Variants in ANKFN1 observed in about 807,000 individuals in gnomAD.
ANKFN1 encodes ankyrin repeat and fibronectin type-III domain-containing protein 1.
A neutral mutation model predicts 108.7 loss-of-function variants in ANKFN1; 74 were observed. The ratio of observed to expected loss-of-function variants is 0.68; its 90% CI spans 0.56 to 0.83. The LOEUF is 0.83. ANKFN1 is among the 40% of genes least tolerant of loss of function. ANKFN1 has a pLI of 0.00. For synonymous variants in ANKFN1, 547 were observed against 516.2 expected (o/e 1.06, Z -0.81); for missense variants, 1,505 against 1,382.3 (o/e 1.09, Z -1.41).
intron 3 of ANKFN1, among the ~76,000 whole-genome samples, chr17:56,314,527 C>T (rs534276295): frequency 2.8e-4 from 43 of 152,090 alleles, no homozygotes; most frequent in Admixed American, 5.9e-4. Context: ...TTTTTATGTG[C>T]TTATTGACCA....
chr17:56,443,740 T>C (rs2049193212), intron 10 of ANKFN1, among the ~76,000 whole-genome samples: 1 of 152,252 alleles, frequency 6.6e-6, no homozygotes, highest in Non-Finnish European at 1.5e-5. Flanking sequence ...ATGCCAGGTA[T>C]GTTTGGGCAT....
Position 56,507,876 on chromosome 17 carries a change from C to T in ANKFN1, c.2645-2597C>T, listed in dbSNP as rs117104910. Among the ~76,000 whole-genome samples, 121 of 152,282 alleles carry T rather than the reference C, an allele frequency of 7.9e-4. No individual in the cohort carries two copies. In the East Asian group the frequency reaches 8.3e-3, roughly 10 times the overall value. On this transcript the variant is annotated intron_variant, in intron 20 of 20. Transcript: ENST00000682825. ...TGGCCACCTTATCGAAAGCATCTTC[C>T]TCCTAAGTCACTCTTTCATTAAAAT...
intron 1 of ANKFN1, among the ~76,000 whole-genome samples, chr17:56,210,890 C>A (rs928925719): frequency 2.0e-5 from 3 of 152,204 alleles, no homozygotes; most frequent in Non-Finnish European, 4.4e-5. Flanking sequence ...ATTCAATTAC[C>A]TCCCATCGGG....
chr17:56,258,836 G>A (rs1206770020), intron 3 of ANKFN1, among the ~76,000 whole-genome samples: 19 of 152,210 alleles, frequency 1.2e-4, no homozygotes, highest in Non-Finnish European at 2.2e-4. Flanking sequence ...GCGTGAACCC[G>A]GGAGGCGGAG....
At chr17:56,251,855 G>A (rs184382067) in intron 3 of ANKFN1, among the ~76,000 whole-genome samples, 1 of 152,248 alleles carries the variant, frequency 6.6e-6, no homozygotes, top group Admixed American at 6.5e-5. Context: ...TCCTAAATTT[G>A]AAAAGCTATT....
At chr17:56,068,324 T>G (rs1598087363) in intron 4 of ANKFN1, among the ~76,000 whole-genome samples, 2 of 151,996 alleles carry the variant, frequency 1.3e-5, no homozygotes, top group South Asian at 4.2e-4. Context: ...TTAAGAGAAA[T>G]TGAGATGAGA....
At chr17:56,326,176 G>C in intron 3 of ANKFN1, 45 bp from the exon 4 acceptor site, 1 of 1,557,066 alleles carries the variant, frequency 6.4e-7, no homozygotes, top group Middle Eastern at 1.7e-4. Context: ...ATGGACTTCG[G>C]CTCTTGCCTG....
At chr17:56,350,252 T>C (rs1213128361) in intron 4 of ANKFN1, among the ~76,000 whole-genome samples, 3 of 152,104 alleles carry the variant, frequency 2.0e-5, no homozygotes, top group African/African-American at 7.2e-5. Context: ...AGATGCAAGT[T>C]AACTGCTACC....
intron 1 of ANKFN1, among the ~76,000 whole-genome samples, chr17:56,178,805 G>A (rs4794627): frequency 0.32 from 47,910 of 151,946 alleles, 9,030 homozygotes; most frequent in East Asian, 0.51. Flanking sequence ...ACATCATAAA[G>A]CATTTGAAGG....
At chr17:56,254,125 T>C (rs2043300098) in intron 3 of ANKFN1, 1 of 152,154 alleles carries the variant, frequency 6.6e-6, no homozygotes, top group Non-Finnish European at 1.5e-5. Context: ...GAACAGAACA[T>C]GCGTCAGAAA....
At chr17:56,310,991 T>C (rs11870333) in intron 3 of ANKFN1, among the ~76,000 whole-genome samples, 7 of 152,174 alleles carry the variant, frequency 4.6e-5, no homozygotes, top group African/African-American at 1.7e-4. Flanking sequence ...CTTTTTTAGA[T>C]GCTACACTAG....
chr17:56,069,814 T>C (rs1016553639), intron 4 of ANKFN1, among the ~76,000 whole-genome samples: 1 of 152,170 alleles, frequency 6.6e-6, no homozygotes, highest in Admixed American at 6.5e-5. Flanking sequence ...AACAAAAGAA[T>C]GGCTACTCCA....
intron 3 of ANKFN1, among the ~76,000 whole-genome samples, chr17:56,266,502 GT>G (rs2043656025): frequency 6.6e-6 from 1 of 152,100 alleles, no homozygotes; most frequent in African/African-American, 2.4e-5. Flanking sequence ...TTTCCACTGG[GT>G]TAACTTGTTA....
chr17:56,088,302 A>G (rs774077345), intron 4 of ANKFN1, among the ~76,000 whole-genome samples: 8 of 151,292 alleles, frequency 5.3e-5, no homozygotes, highest in Non-Finnish European at 1.0e-4. Context: ...TTTTAGAGGA[A>G]TGAGGAGGGA....
intron 1 of ANKFN1, among the ~76,000 whole-genome samples, chr17:56,176,233 G>T (rs1471371318): frequency 6.6e-6 from 1 of 152,092 alleles, no homozygotes; most frequent in East Asian, 1.9e-4. Flanking sequence ...GGGAAGAATG[G>T]CAATCGCTTG....
At chr17:56,177,558 T>C (rs1250310953) in intron 1 of ANKFN1, among the ~76,000 whole-genome samples, 1 of 152,194 alleles carries the variant, frequency 6.6e-6, no homozygotes, top group African/African-American at 2.4e-5. Flanking sequence ...TGGCTGATGC[T>C]CAAGCCCACA....
intron 3 of ANKFN1, among the ~76,000 whole-genome samples, chr17:56,321,765 A>G (rs111969750): frequency 6.6e-6 from 1 of 152,196 alleles, no homozygotes; most frequent in African/African-American, 2.4e-5. Context: ...CTTTGAATTT[A>G]ACTGGTCCAA....
At chr17:56,127,010 A>G (rs907955958) in intron 4 of ANKFN1, among the ~76,000 whole-genome samples, 3 of 152,242 alleles carry the variant, frequency 2.0e-5, no homozygotes, top group Admixed American at 6.5e-5. Context: ...TAGCTATTAC[A>G]TACTCAACTT....
chr17:56,288,464 A>G (rs2044275338), intron 3 of ANKFN1, among the ~76,000 whole-genome samples: 1 of 151,588 alleles, frequency 6.6e-6, no homozygotes, highest in Admixed American at 6.6e-5. Flanking sequence ...ATGTCTCTTT[A>G]TTTTTTTGTT....
Sources: gnomAD v4.1 joint callset for allele counts (sites outside exome capture counted in the v4.1 genomes callset) on GRCh38, gnomAD v4.1.1 for gene constraint, MANE v1.5 for transcripts, NCBI Gene and HGNC (gene_info 2026-07-23, HGNC 2026-07-21) for gene names.